The following NRG3 variants were observed in gnomAD, a reference collection of about 807,000 sequenced individuals.
NRG3 encodes neuregulin 3, also known as pro-neuregulin-3, membrane-bound isoform.
NRG3 carries 31 observed loss-of-function variants against 66.9 expected under a neutral mutation model. The ratio of observed to expected loss-of-function variants is 0.46; its 90% confidence interval spans 0.35 to 0.63. The LOEUF is 0.63. NRG3 is among the 20% of genes least tolerant of loss of function. The probability of loss-of-function intolerance (pLI) is 0.00; values close to 1 mark genes in which losing one functional copy is unlikely to be tolerated. For missense variants in NRG3, 910 were observed against 878.9 expected (o/e 1.04, Z -0.45); for synonymous variants, 393 against 359.4 (o/e 1.09, Z -1.06).
chr10:81,919,791 C>T (rs1301391519), intron 1 of NRG3, among the ~76,000 whole-genome samples: 1 of 151,984 alleles, frequency 6.6e-6, no homozygotes, highest in Admixed American at 6.6e-5. Context: ...GAGGTATCAC[C>T]TCAGAAGTTG....
At chr10:82,892,776 CAAT>C (rs1263076893) in intron 4 of NRG3, among the ~76,000 whole-genome samples, 1 of 151,616 alleles carries the variant, frequency 6.6e-6, no homozygotes, top group East Asian at 1.9e-4. Context: ...ACCAGGCAAA[CAAT>C]AACCAGAGTA....
intron 4 of NRG3, among the ~76,000 whole-genome samples, chr10:82,928,633 A>G (rs1196626702): frequency 2.7e-5 from 4 of 149,954 alleles, no homozygotes; most frequent in Non-Finnish European, 5.9e-5. Flanking sequence ...TTTAAAAGTA[A>G]ATCTCAAACT....
intron 8 of NRG3, among the ~76,000 whole-genome samples, chr10:82,983,801 A>T (rs1157990455): frequency 6.6e-6 from 1 of 152,214 alleles, no homozygotes; most frequent in Admixed American, 6.5e-5. Context: ...AGATTTGTTT[A>T]TGTATTCATG....
At position 82,968,073 on chromosome 10, in the gene NRG3, T is replaced by C. The variant is rs1053220871; in HGVS notation, c.1285-5715T>C. Among the ~76,000 whole-genome samples the C allele has an allele frequency of 8.5e-5, 13 of 152,230 alleles. No homozygotes were observed. In the East Asian group the frequency reaches 2.5e-3, roughly 29 times the overall value. Reference sequence around the variant, plus strand: ...GCAGTGTGCCCTTCAACCTCAATTATCCAATGAATACAAGAAGACATTTTC... The same window carrying C: ...GCAGTGTGCCCTTCAACCTCAATTACCCAATGAATACAAGAAGACATTTTC... On this transcript the variant is annotated intron_variant, in intron 6 of 8. Transcript: ENST00000372141.
At chr10:81,978,478 C>T (rs555549711) in intron 1 of NRG3, among the ~76,000 whole-genome samples, 3 of 152,206 alleles carry the variant, frequency 2.0e-5, no homozygotes, top group South Asian at 2.1e-4. Flanking sequence ...CAAAGACAAC[C>T]CAACAGGGCA....
At chr10:82,735,161 C>A (rs1416903734) in intron 2 of NRG3, among the ~76,000 whole-genome samples, 1 of 152,156 alleles carries the variant, frequency 6.6e-6, no homozygotes, top group Admixed American at 6.5e-5. Context: ...AAAACAATTA[C>A]AATGTCTCGG....
Position 82,985,539 on chromosome 10 carries a change from A to G in NRG3, c.2025A>G (p.Lys675=). The G allele has an allele frequency of 6.2e-7, 1 of 1,614,046 alleles. No individual in the cohort carries two copies. Among genetic ancestry groups the G allele is most frequent in the South Asian group, 1.1e-5 (1 of 91,082 alleles). The change falls in exon 9 of 9, where the codon AAA becomes AAG. Residue 675 remains lysine (K), a synonymous_variant. Transcript: ENST00000372141. ...TTCTCCCCCTGAGTCCCACAGCCAA[A>G]TCAGAACGAGAGGCGCAATTTGTCT... ...TAFLPLSPTA[K]SEREAQFVLR... is the part of the protein sequence containing the mutation.
chr10:82,279,818 G>A (rs1407315063), intron 1 of NRG3, among the ~76,000 whole-genome samples: 4 of 152,286 alleles, frequency 2.6e-5, no homozygotes, highest in Non-Finnish European at 4.4e-5. Context: ...AGGATCAATC[G>A]AAATTAGTTA....
chr10:82,024,175 T>C (rs550526160), intron 1 of NRG3, among the ~76,000 whole-genome samples: 1 of 152,160 alleles, frequency 6.6e-6, no homozygotes, highest in South Asian at 2.1e-4. Context: ...AGTCTCTGAA[T>C]TTCTGTGGTA....
chr10:82,489,233 C>A (rs960363384), intron 2 of NRG3, among the ~76,000 whole-genome samples: 1 of 152,186 alleles, frequency 6.6e-6, no homozygotes, highest in African/African-American at 2.4e-5. Flanking sequence ...CTATTCAGTT[C>A]CTATATTTTT....
rs76180298 is a variant in NRG3, at chr10:82,179,754, T to C, written c.824-178985T>C. On this transcript the variant is annotated intron_variant, in intron 1 of 8. Coordinates refer to ENST00000372141, the MANE Select transcript of NRG3 (RefSeq NM_001010848.4). Reference sequence around the variant, plus strand: ...CCTTTGTGGTTGCATATTAATCTTTTCTTTTATTTCTGTAAAGATTGCCTT... The same window carrying C: ...CCTTTGTGGTTGCATATTAATCTTTCCTTTTATTTCTGTAAAGATTGCCTT... Among the ~76,000 whole-genome samples the C allele has an allele frequency of 7.9e-3, 1,207 of 152,068 alleles. 70 individuals are homozygous for C. The East Asian group carries it at 0.14, about 18-fold the overall frequency.
chr10:82,413,193 T>C (rs2136172720), intron 2 of NRG3, among the ~76,000 whole-genome samples: 1 of 152,318 alleles, frequency 6.6e-6, no homozygotes, highest in South Asian at 2.1e-4. Flanking sequence ...TAGGGCCTTA[T>C]GAAACGTATT....
chr10:82,409,996 A>G (rs184078771), intron 2 of NRG3, among the ~76,000 whole-genome samples: 149 of 152,280 alleles, frequency 9.8e-4, no homozygotes, highest in Middle Eastern at 3.4e-3. Flanking sequence ...ACCAGAGGGT[A>G]GCTGAGCCTG....
chr10:82,910,309 C>T (rs965855387), intron 4 of NRG3, among the ~76,000 whole-genome samples: 3 of 152,168 alleles, frequency 2.0e-5, no homozygotes, highest in East Asian at 1.9e-4. Flanking sequence ...TGTAACATAA[C>T]GATTTTGGTG....
chr10:82,940,215 T>C (rs955009846), intron 4 of NRG3, among the ~76,000 whole-genome samples: 1 of 152,182 alleles, frequency 6.6e-6, no homozygotes, highest in Non-Finnish European at 1.5e-5. Flanking sequence ...AGGGCTGCTG[T>C]AACAAAGCAC....
intron 1 of NRG3, among the ~76,000 whole-genome samples, chr10:82,086,058 T>C (rs1160856224): frequency 6.6e-6 from 1 of 152,110 alleles, no homozygotes; most frequent in Non-Finnish European, 1.5e-5. Flanking sequence ...TACAAGTTAG[T>C]TTCCATTTAC....
chr10:82,613,956 G>A (rs1319127421), intron 2 of NRG3, among the ~76,000 whole-genome samples: 1 of 150,804 alleles, frequency 6.6e-6, no homozygotes, highest in Non-Finnish European at 1.5e-5. Context: ...AGGCTCTAGT[G>A]CAGTGGTATA....
chr10:82,097,071 T>C (rs1398894963), intron 1 of NRG3, among the ~76,000 whole-genome samples: 1 of 152,138 alleles, frequency 6.6e-6, no homozygotes, highest in African/African-American at 2.4e-5. Flanking sequence ...AAAATTTCTT[T>C]TGTGTTACCC....
At chr10:82,061,441 A>G (rs2064136399) in intron 1 of NRG3, among the ~76,000 whole-genome samples, 1 of 152,152 alleles carries the variant, frequency 6.6e-6, no homozygotes, top group South Asian at 2.1e-4. Flanking sequence ...TTGAATTTAT[A>G]TTGTTCTTCC....
Sources: allele counts gnomAD v4.1 joint callset (sites outside exome capture counted in the v4.1 genomes callset), GRCh38; gene constraint gnomAD v4.1.1; transcripts MANE v1.5; gene names NCBI Gene and HGNC (gene_info 2026-07-23, HGNC 2026-07-21).